The following EIF4G3 variants were observed in gnomAD, a reference collection of about 807,000 sequenced individuals.
The protein encoded by EIF4G3 is eukaryotic translation initiation factor 4 gamma 3, also known as eIF-4-gamma 3.
Under a neutral mutation model 186.4 loss-of-function variants are expected in EIF4G3, and 34 were observed. The ratio of observed to expected loss-of-function variants is 0.18; its 90% CI spans 0.14 to 0.24. The LOEUF (loss-of-function observed/expected upper bound fraction) is 0.24, where lower values mean the gene tolerates loss of function less well. Ranked by LOEUF, EIF4G3 falls within the 10% of genes least tolerant of loss-of-function variation. The pLI is 1.00. For missense variants in EIF4G3, 1,536 were observed against 1,948.5 expected, an observed-to-expected ratio of 0.79 and a Z score of 3.99; for synonymous variants, 673 against 679.5, an observed-to-expected ratio of 0.99 and a Z score of 0.15.
chr1:20,924,215 G>T (rs1049836420), intron 14 of EIF4G3, among the ~76,000 whole-genome samples: 10 of 152,090 alleles, frequency 6.6e-5, no homozygotes, highest in African/African-American at 2.4e-4. Flanking sequence ...TCTAGAGTCT[G>T]TTATTGAAAT....
At chr1:20,891,323 GATA>G (rs1369566665) in intron 18 of EIF4G3, among the ~76,000 whole-genome samples, 2 of 152,070 alleles carry the variant, frequency 1.3e-5, no homozygotes, top group African/African-American at 4.8e-5. Flanking sequence ...TGGGCAATAT[GATA>G]ATAACCACAG....
intron 3 of EIF4G3, among the ~76,000 whole-genome samples, chr1:21,069,460 T>C (rs1476561126): frequency 2.0e-5 from 3 of 152,230 alleles, no homozygotes; most frequent in African/African-American, 7.2e-5. Flanking sequence ...AGGATCATAG[T>C]GTCCACCACT....
chr1:20,875,205 A>C (rs2080403963), intron 20 of EIF4G3, among the ~76,000 whole-genome samples: 2 of 152,104 alleles, frequency 1.3e-5, no homozygotes, highest in Admixed American at 1.3e-4. Context: ...TCTGGCCTCA[A>C]ACTCCTAGGC....
At chr1:20,876,093 T>A (rs1466109800) in intron 20 of EIF4G3, among the ~76,000 whole-genome samples, 1 of 151,342 alleles carries the variant, frequency 6.6e-6, no homozygotes, top group Non-Finnish European at 1.5e-5. Context: ...TAGCTGAGCA[T>A]GTGCCTGTAG....
intron 3 of EIF4G3, 105 bp from the exon 4 acceptor site, chr1:21,051,099 T>TA: frequency 1.5e-6 from 1 of 663,678 alleles, no homozygotes; most frequent in South Asian, 1.7e-5. Flanking sequence ...CCTCACAACT[T>TA]ACACTAAAAT....
At chr1:20,842,656 G>A (rs1420229924) in intron 29 of EIF4G3, among the ~76,000 whole-genome samples, 4 of 152,048 alleles carry the variant, frequency 2.6e-5, no homozygotes, top group Admixed American at 6.6e-5. Flanking sequence ...GTGAGCCACC[G>A]CGCCCGGCTG....
chr1:20,865,595 CTTTT>C (rs1210132158), intron 20 of EIF4G3, among the ~76,000 whole-genome samples: 2 of 150,910 alleles, frequency 1.3e-5, no homozygotes, highest in African/African-American at 4.9e-5. Flanking sequence ...GTTATTACTT[CTTTT>C]TTTAAGAAGT....
At chr1:20,866,473 A>T (rs2077592956) in intron 20 of EIF4G3, among the ~76,000 whole-genome samples, 1 of 152,186 alleles carries the variant, frequency 6.6e-6, no homozygotes, top group Admixed American at 6.5e-5. Flanking sequence ...AATTTTTTAG[A>T]CAACCAGAGA....
intron 20 of EIF4G3, among the ~76,000 whole-genome samples, chr1:20,877,125 C>T (rs1232801207): frequency 6.6e-6 from 1 of 152,152 alleles, no homozygotes; most frequent in Non-Finnish European, 1.5e-5. Context: ...AATATCACTC[C>T]TCCATTAAAC....
At chr1:20,956,859 C>T (rs2096441855) in intron 12 of EIF4G3, among the ~76,000 whole-genome samples, 1 of 152,092 alleles carries the variant, frequency 6.6e-6, no homozygotes, top group Admixed American at 6.6e-5. Context: ...CCAGCTTGGC[C>T]TCCCAAAGTA....
chr1:20,908,435 TTCTC>T (rs1385509478), intron 14 of EIF4G3, among the ~76,000 whole-genome samples: 11 of 152,190 alleles, frequency 7.2e-5, no homozygotes, highest in African/African-American at 1.9e-4. Flanking sequence ...ATTCTCTGTC[TTCTC>T]TCTATGTAAG....
chr1:20,831,853 G>A (rs1429306834), intron 30 of EIF4G3, among the ~76,000 whole-genome samples: 1 of 145,022 alleles, frequency 6.9e-6, no homozygotes, highest in East Asian at 2.1e-4. Context: ...GTGAGAATAT[G>A]CGGTGTTTGG....
intron 2 of EIF4G3, among the ~76,000 whole-genome samples, chr1:21,127,765 C>A (rs891866605): frequency 6.6e-6 from 1 of 152,098 alleles, no homozygotes; most frequent in Non-Finnish European, 1.5e-5. Flanking sequence ...AAAGTACAGA[C>A]AATACACTTT....
chr1:21,014,711 T>G, intron 4 of EIF4G3, among the ~76,000 whole-genome samples: 1 of 113,632 alleles, frequency 8.8e-6, no homozygotes, highest in Admixed American at 9.1e-5. Context: ...CTTGGCTCAC[T>G]GCAACCTCTG....
At chr1:21,015,638 C>T (rs75057912) in intron 4 of EIF4G3, among the ~76,000 whole-genome samples, 4,430 of 151,358 alleles carry the variant, frequency 0.029, 144 homozygotes, top group East Asian at 0.14. Flanking sequence ...AAAAGAATTT[C>T]GAGAGCAGCA....
intron 2 of EIF4G3, among the ~76,000 whole-genome samples, chr1:21,141,671 G>A (rs1460380876): frequency 6.6e-6 from 1 of 152,128 alleles, no homozygotes; most frequent in African/African-American, 2.4e-5. Flanking sequence ...GCTCATGCCT[G>A]TTATCCCAAC....
intron 12 of EIF4G3, among the ~76,000 whole-genome samples, 178 bp downstream of exon 12, chr1:20,969,296 A>T (rs1000809496): frequency 5.9e-5 from 9 of 152,266 alleles, no homozygotes; most frequent in Non-Finnish European, 1.2e-4. Flanking sequence ...ATAAAAATTT[A>T]AAAATATTAT....
intron 15 of EIF4G3, among the ~76,000 whole-genome samples, chr1:20,904,588 T>A (rs2091495466): frequency 6.6e-6 from 1 of 152,198 alleles, no homozygotes; most frequent in Non-Finnish European, 1.5e-5. Context: ...GTTGCAGTGA[T>A]CATCCTGCCT....
Position 20,817,410 on chromosome 1 carries a change from C to T in EIF4G3, c.4497G>A (p.Gln1499=). Residue 1499 remains glutamine, a synonymous_variant, in exon 34 of 37, where the codon CAG becomes CAA. Transcript: ENST00000602326. ...TTTATACCTCTACCCAGTCAAAGATCTGTTCATCATTCGCTTTGTCCTCAA... is the reference window on the plus strand; with the variant it reads ...TTTATACCTCTACCCAGTCAAAGATTTGTTCATCATTCGCTTTGTCCTCAA... ...LIIEDKANDE[Q]IFDWVEANLD... The T allele has an allele frequency of 6.3e-7, 1 of 1,598,704 alleles. No individual in the cohort carries two copies. Among genetic ancestry groups the T allele is most frequent in the Non-Finnish European group, 8.5e-7 (1 of 1,170,974 alleles).
Sources: allele counts gnomAD v4.1 joint callset (sites outside exome capture counted in the v4.1 genomes callset), GRCh38; gene constraint gnomAD v4.1.1; transcripts MANE v1.5; gene names NCBI Gene and HGNC (gene_info 2026-07-23, HGNC 2026-07-21).